The following CYP3A5 variants were observed in gnomAD, a reference collection of about 807,000 sequenced individuals.
CYP3A5 encodes the protein cytochrome P450 family 3 subfamily A member 5.
Under a neutral mutation model 55.9 loss-of-function variants are expected in CYP3A5, and 51 were observed. That is an observed-to-expected ratio of 0.91 (90% confidence interval 0.73 to 1.15). CYP3A5 has a LOEUF of 1.15. Among genes scored for constraint, CYP3A5 ranks in the 50% most tolerant of loss-of-function variants. The pLI is 0.00. For synonymous variants in CYP3A5, 196 were observed against 213.9 expected (o/e 0.92, Z 0.73); for missense variants, 533 against 596.6 (o/e 0.89, Z 1.11).
At chr7:99,668,281 G>A (rs1811234594) in intron 4 of CYP3A5, among the ~76,000 whole-genome samples, 1 of 152,130 alleles carries the variant, frequency 6.6e-6, no homozygotes, top group South Asian at 2.1e-4. Context: ...AGTAATAAAA[G>A]CTAAAGAAAT....
chr7:99,652,352 G>T (rs572686340), intron 11 of CYP3A5: 1 of 456,132 alleles, frequency 2.2e-6, no homozygotes, highest in South Asian at 4.5e-5. Context: ...TCTTTGTCTT[G>T]TGCTGGGACT....
At chr7:99,664,869 T>G (rs540746995) in intron 7 of CYP3A5, among the ~76,000 whole-genome samples, 74 of 151,728 alleles carry the variant, frequency 4.9e-4, no homozygotes, top group African/African-American at 1.8e-3. Context: ...CAGAGAAAAA[T>G]CAATGATATT....
At chr7:99,666,495 T>C in intron 6 of CYP3A5, 106 bp downstream of exon 6, 1 of 1,250,440 alleles carries the variant, frequency 8.0e-7, no homozygotes, top group Non-Finnish European at 1.2e-6. Context: ...CTGCCCTGCT[T>C]TTGTCTGGTC....
At chr7:99,676,399 A>G in intron 1 of CYP3A5, 191 bp from the exon 2 acceptor site, 1 of 1,512,940 alleles carries the variant, frequency 6.6e-7, no homozygotes. Context: ...AGACCCCTGA[A>G]AAGTCTCAAT....
In CYP3A5 at chr7:99,662,637, G is replaced by A. The variant is rs974353551; in HGVS notation, c.865+179C>T. Among the ~76,000 whole-genome samples the A allele has an allele frequency of 4.6e-5, 7 of 152,154 alleles. No individual in the cohort carries two copies. The highest frequency in any genetic ancestry group is 1.7e-4 in the African/African-American group (7 of 41,426). On this transcript the variant is annotated intron_variant, in intron 9 of 12. Transcript: ENST00000222982. This position sits in a 1 kb window ranked among gnomAD's most constrained non-coding sequence, Gnocchi z 4.3. ...GGTTGCCCTTTCAGCCTGGAACATG[G>A]CTATACCTGTGGGCTTCTGGAAAGT... is the stretch of plus-strand genomic sequence containing the variant.
chr7:99,655,531 C>G (rs577779124), intron 10 of CYP3A5, among the ~76,000 whole-genome samples: 13 of 152,272 alleles, frequency 8.5e-5, no homozygotes, highest in African/African-American at 3.1e-4. Context: ...CGGCTTTGTT[C>G]TTTTGGCTTA....
At chr7:99,652,426 T>C in intron 11 of CYP3A5, 127 bp downstream of exon 11, 1 of 670,250 alleles carries the variant, frequency 1.5e-6, no homozygotes, top group Non-Finnish European at 2.5e-6. Flanking sequence ...TTATCACTTT[T>C]TTGTGATAAA....
At chr7:99,648,980 C>G (rs546792038) in intron 12 of CYP3A5, among the ~76,000 whole-genome samples, 1 of 152,278 alleles carries the variant, frequency 6.6e-6, no homozygotes, top group South Asian at 2.1e-4. Context: ...GGGAATTTCT[C>G]AAGTTGTACA....
At chr7:99,663,293 C>CA (rs1435562813) in intron 8 of CYP3A5, 28 of 995,438 alleles carry the variant, frequency 2.8e-5, no homozygotes, top group Non-Finnish European at 3.1e-5. Context: ...TTCCAGAACT[C>CA]ATCAGCAGCT....
At chr7:99,678,574 T>A (rs980073435) in intron 1 of CYP3A5, among the ~76,000 whole-genome samples, 1 of 152,234 alleles carries the variant, frequency 6.6e-6, no homozygotes, top group Admixed American at 6.5e-5. Context: ...AAAGGTGACA[T>A]TATTTTACAC....
At chr7:99,654,687 C>G (rs1809538013) in intron 10 of CYP3A5, among the ~76,000 whole-genome samples, 1 of 152,240 alleles carries the variant, frequency 6.6e-6, no homozygotes, top group Non-Finnish European at 1.5e-5. Context: ...AACTAGTTTA[C>G]AGTCCCACCA....
chr7:99,672,724 C>G, intron 3 of CYP3A5, 45 bp from the exon 4 acceptor site: 1 of 1,611,554 alleles, frequency 6.2e-7, no homozygotes, highest in Non-Finnish European at 8.5e-7. Flanking sequence ...TAGCCCGATT[C>G]TGCAGCTGGA....
intron 12 of CYP3A5, among the ~76,000 whole-genome samples, chr7:99,648,740 G>A (rs527266750): frequency 1.3e-5 from 2 of 151,772 alleles, no homozygotes; most frequent in Non-Finnish European, 2.9e-5. Flanking sequence ...AGGTATTATG[G>A]CAAACTATTT....
intron 1 of CYP3A5, 62 bp from the exon 2 acceptor site, chr7:99,676,270 G>A: frequency 6.2e-7 from 1 of 1,607,766 alleles, no homozygotes; most frequent in Non-Finnish European, 8.5e-7. Context: ...GAGGGCTGGT[G>A]AGTTACTCAG....
chr7:99,679,304 G>A (rs1449204633), intron 1 of CYP3A5, among the ~76,000 whole-genome samples: 1 of 152,118 alleles, frequency 6.6e-6, no homozygotes, highest in Admixed American at 6.5e-5. Context: ...GTCCCCTGGT[G>A]CGTTATGTAA....
Position 99,679,947 on chromosome 7 carries a change from T to A in CYP3A5, c.-51A>T, listed in dbSNP as rs144756151. On this transcript the variant is annotated 5_prime_UTR_variant, in exon 1 of 13. Coordinates refer to ENST00000222982, the MANE Select transcript of CYP3A5 (RefSeq NM_000777.5). ...TCTGTGAGTCTTCCTTTTAGCTGAG[T>A]GCTGCTGTTTGCTGGGCTGTTTGCC... 1.3e-6 allele frequency: 2 copies of A among 1,498,710 alleles called. No individual in the cohort carries two copies. Among genetic ancestry groups the A allele is most frequent in the African/African-American group, 2.8e-5 (2 of 72,658 alleles). The allele number at this position is 1,498,710 out of a possible 1,614,324, so 92.8% of individuals were successfully genotyped here. A position where few individuals can be genotyped will look rare whatever the true frequency, so the allele number is the denominator to read the frequency against.
chr7:99,661,021 G>T (rs1354065771), intron 9 of CYP3A5, among the ~76,000 whole-genome samples: 1 of 152,140 alleles, frequency 6.6e-6, no homozygotes, highest in Non-Finnish European at 1.5e-5. Flanking sequence ...TAAATATGGG[G>T]TAGGCTTTTT....
chr7:99,660,678 C>T lies in CYP3A5; in HGVS notation c.866-19G>A. The T allele has an allele frequency of 6.2e-7, 1 of 1,612,852 alleles. No individual in the cohort carries two copies. The highest frequency in any genetic ancestry group is 1.1e-5 in the South Asian group (1 of 91,028). ...GACAGAGCTGAAAGGAGAGGAAAGA[C>T]ATTTTAGGTAAATCAGGTCAACGTA... is the stretch of plus-strand genomic sequence containing the variant. On this transcript the variant is annotated intron_variant, in intron 9 of 12. Transcript: ENST00000222982.
chr7:99,665,128 A>C (rs754730404), intron 7 of CYP3A5, 38 bp downstream of exon 7: 5 of 1,504,860 alleles, frequency 3.3e-6, no homozygotes, highest in African/African-American at 1.4e-5. Flanking sequence ...GAAAGCAGTT[A>C]TTTTTAAAAA....
Sources: allele counts gnomAD v4.1 joint callset (sites outside exome capture counted in the v4.1 genomes callset), GRCh38; gene constraint gnomAD v4.1.1; non-coding constraint Gnocchi (gnomAD v3.1); transcripts MANE v1.5; gene names NCBI Gene and HGNC (gene_info 2026-07-23, HGNC 2026-07-21).